The following ELFN2 variants were observed in gnomAD, a reference collection of about 807,000 sequenced individuals.
ELFN2 encodes the protein protein phosphatase 1 regulatory subunit 29.
ELFN2 carries 17 observed loss-of-function variants against 45.5 expected under a neutral mutation model. The observed-to-expected ratio is 0.37, with a 90% CI of 0.26 to 0.56. The LOEUF (loss-of-function observed/expected upper bound fraction) is 0.56, where lower values mean the gene tolerates loss of function less well. Among genes scored for constraint, ELFN2 ranks in the 20% least tolerant of loss-of-function variants. The pLI, the probability that ELFN2 is intolerant of heterozygous loss-of-function variation, is 0.77. For synonymous variants in ELFN2, 550 were observed against 551.5 expected (o/e 1.00, Z 0.04); for missense variants, 922 against 1,183.2 (o/e 0.78, Z 3.24).
At chr22:37,394,840 C>T (rs549254478) in intron 2 of ELFN2, among the ~76,000 whole-genome samples, 196 of 152,212 alleles carry the variant, frequency 1.3e-3, no homozygotes, top group Non-Finnish European at 2.5e-3. Context: ...CGCAATGGCT[C>T]ACGCCTGTAA....
intron 2 of ELFN2, among the ~76,000 whole-genome samples, chr22:37,413,766 T>C (rs988326955): frequency 2.0e-5 from 3 of 152,150 alleles, no homozygotes; most frequent in African/African-American, 7.2e-5. Flanking sequence ...CTAGCGAGCA[T>C]CTGGATTGAT....
chr22:37,363,708 G>A (rs59905523), downstream of ELFN2, among the ~76,000 whole-genome samples: 3,543 of 152,286 alleles, frequency 0.023, 132 homozygotes, highest in African/African-American at 0.082. Context: ...GAGTCTAGCC[G>A]TGAAACCCTC....
chr22:37,380,939 T>C lies in ELFN2; in HGVS notation c.-462-4943A>G, dbSNP rs142302061. On this transcript the variant is annotated intron_variant, in intron 2 of 2. Transcript: ENST00000402918. ...CCTTGTCTGTAAAATGGGAGGATTATACCTTCACCATGGAACTACCGTTCG... is the reference window on the plus strand; with the variant it reads ...CCTTGTCTGTAAAATGGGAGGATTACACCTTCACCATGGAACTACCGTTCG... 3.9e-4 allele frequency among the ~76,000 whole-genome samples: 59 copies of C among 152,290 alleles called. 2 individuals are homozygous for C. The East Asian group carries it at 0.011, about 29-fold the overall frequency.
intron 1 of ELFN2, among the ~76,000 whole-genome samples, chr22:37,419,647 G>T (rs894140264): frequency 6.6e-6 from 1 of 152,070 alleles, no homozygotes; most frequent in Non-Finnish European, 1.5e-5. Flanking sequence ...CAGGGACACG[G>T]GGCCCCCAAC....
intron 2 of ELFN2, among the ~76,000 whole-genome samples, chr22:37,387,681 GACCTC>G (rs1569136450): frequency 1.7e-4 from 26 of 151,998 alleles, no homozygotes; most frequent in African/African-American, 6.3e-4. Flanking sequence ...GCTTTCCCGC[GACCTC>G]CCAGGCCGCG....
intron 1 of ELFN2, among the ~76,000 whole-genome samples, chr22:37,348,455 G>C (rs897753290): frequency 7.0e-6 from 1 of 142,980 alleles, no homozygotes. Flanking sequence ...GAGGAGAAAC[G>C]AGGCTGAGGT....
chr22:37,409,513 G>A (rs1489463507), intron 2 of ELFN2, among the ~76,000 whole-genome samples: 1 of 152,212 alleles, frequency 6.6e-6, no homozygotes, highest in African/African-American at 2.4e-5. Context: ...GCCAGAATGG[G>A]CTCCTGCCTA....
intron 1 of ELFN2, among the ~76,000 whole-genome samples, chr22:37,361,354 C>T (rs1931082027): frequency 6.6e-6 from 1 of 151,002 alleles, no homozygotes. Context: ...CCTTATCCTG[C>T]CCTCCATGAG....
At chr22:37,397,316 T>G (rs1932240481) in intron 2 of ELFN2, among the ~76,000 whole-genome samples, 1 of 152,030 alleles carries the variant, frequency 6.6e-6, no homozygotes. Flanking sequence ...GAGTGAAAAT[T>G]GAAAACACAA....
chr22:37,395,213 C>T (rs932672389), intron 2 of ELFN2, among the ~76,000 whole-genome samples: 2 of 152,122 alleles, frequency 1.3e-5, no homozygotes, highest in African/African-American at 4.8e-5. Context: ...GGCCTCACAG[C>T]GTCACAGCTG....
At chr22:37,342,200 G>A (rs1017304751) in intron 2 of ELFN2, among the ~76,000 whole-genome samples, 2 of 152,188 alleles carry the variant, frequency 1.3e-5, no homozygotes, top group African/African-American at 2.4e-5. Context: ...GAAGCGGAGT[G>A]AAGCAGAGCT....
chr22:37,390,451 C>A (rs548404423), intron 2 of ELFN2, among the ~76,000 whole-genome samples: 4 of 152,180 alleles, frequency 2.6e-5, no homozygotes, highest in Non-Finnish European at 5.9e-5. Context: ...GTGGCCCAAA[C>A]CTTACCCAGG....
chr22:37,377,672 C>T (rs113634110), intron 2 of ELFN2, among the ~76,000 whole-genome samples: 2,302 of 152,244 alleles, frequency 0.015, 61 homozygotes, highest in African/African-American at 0.053. Flanking sequence ...GCTGATGCTA[C>T]GTCAGAGGCC....
chr22:37,392,466 C>T lies in ELFN2; in HGVS notation c.-462-16470G>A, dbSNP rs113625119. Among the ~76,000 whole-genome samples the T allele has an allele frequency of 9.8e-3, 1,487 of 152,036 alleles. 29 individuals carry two copies. Among genetic ancestry groups the T allele is most frequent in the African/African-American group, 0.034 (1,417 of 41,468 alleles). ...CTGAGTAGCTGGGACTAGAGGCGCC[C>T]GCCACCACACCCAGCTAATTTTTGT... is the stretch of plus-strand genomic sequence containing the variant. On this transcript the variant is annotated intron_variant, in intron 2 of 2. Coordinates refer to ENST00000402918, the MANE Select transcript of ELFN2 (RefSeq NM_052906.5).
At chr22:37,363,728 G>A (rs919407346), downstream of ELFN2, among the ~76,000 whole-genome samples, 3 of 152,214 alleles carry the variant, frequency 2.0e-5, no homozygotes. Flanking sequence ...CCAGGCAGGA[G>A]TGGTGGGGAA....
In ELFN2 at chr22:37,375,081, T is replaced by C. The variant is rs1462778920; in HGVS notation, c.454A>G (p.Ser152Gly). Reference protein sequence around the residue: ...VTPTAFSECPSLISIDLSSNR... With the variant: ...VTPTAFSECPGLISIDLSSNR... Reference sequence around the variant, plus strand: ...GAGGACAGGTCGATGCTGATGAGGCTCGGGCACTCGGAGAAGGCGGTGGGC... The same window carrying C: ...GAGGACAGGTCGATGCTGATGAGGCCCGGGCACTCGGAGAAGGCGGTGGGC... The change falls in exon 3 of 3, where the codon AGC (serine) becomes GGC (glycine). Residue 152 changes from serine (S) to glycine (G), a missense_variant. Ser to Gly is a moderately conservative substitution (Grantham distance 56). Around this residue, in one of 2 missense-constraint regions of ELFN2, gnomAD observed 358 missense variants for 540.4 expected, o/e 0.66. Transcript: ENST00000402918. 3.1e-6 allele frequency: 5 copies of C among 1,613,516 alleles called. No homozygotes were observed. Among genetic ancestry groups the C allele is most frequent in the Non-Finnish European group, 4.2e-6 (5 of 1,179,986 alleles).
chr22:37,375,696 G>T lies in ELFN2; in HGVS notation c.-162C>A. On this transcript the variant is annotated 5_prime_UTR_variant, in exon 3 of 3. Coordinates refer to ENST00000402918, the MANE Select transcript of ELFN2 (RefSeq NM_052906.5). Reference sequence around the variant, plus strand: ...TGGGTACAGCTAGTGCCAACTGCTGGGGATCTTCTAGGGTGCTACAGCAGG... The same window carrying T: ...TGGGTACAGCTAGTGCCAACTGCTGTGGATCTTCTAGGGTGCTACAGCAGG... 1.2e-6 allele frequency: 1 copy of T among 827,622 alleles called. No individual in the cohort carries two copies. The highest frequency in any genetic ancestry group is 1.9e-6 in the Non-Finnish European group (1 of 534,344). 51.3% of individuals were successfully genotyped at this position (827,622 alleles called of 1,614,324 possible).
chr22:37,402,006 A>G (rs915991017), intron 2 of ELFN2, among the ~76,000 whole-genome samples: 2 of 152,188 alleles, frequency 1.3e-5, no homozygotes, highest in African/African-American at 2.4e-5. Context: ...AGAAGGCCCA[A>G]GAGTGAGCCC....
In ELFN2 at chr22:37,417,085, C is replaced by T. The variant is rs902097799; in HGVS notation, c.-463+684G>A. ...GCCGCCTGGACAACAGCTCCCTCCACGTGGCCGCCACCAACACAGCCTCGG... is the reference window on the plus strand; with the variant it reads ...GCCGCCTGGACAACAGCTCCCTCCATGTGGCCGCCACCAACACAGCCTCGG... On this transcript the variant is annotated intron_variant, in intron 2 of 2. Coordinates refer to ENST00000402918, the MANE Select transcript of ELFN2 (RefSeq NM_052906.5). The surrounding 1 kb of genome is among the most constrained non-coding windows in gnomAD (Gnocchi z 4.5). Among the ~76,000 whole-genome samples the T allele has an allele frequency of 6.6e-6, 1 of 152,030 alleles. No homozygotes were observed.
Sources: gnomAD v4.1 joint callset for allele counts (sites outside exome capture counted in the v4.1 genomes callset) on GRCh38, gnomAD v4.1.1 for gene constraint, gnomAD v4.1.1 regional missense constraint, Gnocchi (gnomAD v3.1) non-coding constraint, MANE v1.5 for transcripts, NCBI Gene and HGNC (gene_info 2026-07-23, HGNC 2026-07-21) for gene names.